Variants in DUSP16 observed in about 807,000 individuals in gnomAD.
DUSP16 encodes dual specificity phosphatase 16, also known as dual specificity protein phosphatase 16.
A neutral mutation model predicts 58.3 loss-of-function variants in DUSP16; 21 were observed. The observed-to-expected ratio is 0.36, with a 90% CI of 0.26 to 0.52. DUSP16 has a LOEUF of 0.52. Ranked by LOEUF, DUSP16 falls within the 20% of genes least tolerant of loss-of-function variation. The probability of loss-of-function intolerance (pLI) is 0.94; values close to 1 mark genes in which losing one functional copy is unlikely to be tolerated. For missense variants in DUSP16, 726 were observed against 819.0 expected (o/e 0.89, Z 1.39); for synonymous variants, 320 against 323.8 (o/e 0.99, Z 0.12).
intron 3 of DUSP16, among the ~76,000 whole-genome samples, chr12:12,517,833 G>A (rs550443606): frequency 2.6e-5 from 4 of 152,188 alleles, no homozygotes; most frequent in African/African-American, 7.2e-5. Flanking sequence ...TGGACTTGCC[G>A]TTAGGCCTAA....
chr12:12,489,579 C>T (rs1314357765), intron 4 of DUSP16, among the ~76,000 whole-genome samples: 2 of 152,138 alleles, frequency 1.3e-5, no homozygotes. Flanking sequence ...AGTAATATCC[C>T]TATCCACTCA....
At chr12:12,493,388 C>A (rs1217453921) in intron 4 of DUSP16, among the ~76,000 whole-genome samples, 1 of 152,176 alleles carries the variant, frequency 6.6e-6, no homozygotes, top group Non-Finnish European at 1.5e-5. Context: ...TCCTAACCGG[C>A]CTTCCTGCTT....
chr12:12,474,648 T>A lies in DUSP16; in HGVS notation c.*2185A>T, dbSNP rs905228598. The A allele has an allele frequency of 5.8e-5, 7 of 120,312 alleles. No homozygotes were observed. Among genetic ancestry groups the A allele is most frequent in the Non-Finnish European group, 1.2e-4 (7 of 56,518 alleles). 7.5% of individuals were successfully genotyped at this position (120,312 alleles called of 1,614,324 possible). A position where few individuals can be genotyped will look rare whatever the true frequency, so the allele number is the denominator to read the frequency against. ...AGCACTAAAGGCTGTAGGATGTGAC[T>A]ACATCACAGTTCCAGAAGGAAGGGG... On this transcript the variant is annotated 3_prime_UTR_variant, in exon 7 of 7. Coordinates refer to ENST00000298573, the MANE Select transcript of DUSP16 (RefSeq NM_030640.3).
At chr12:12,478,316 G>A (rs1477739969) in intron 6 of DUSP16, among the ~76,000 whole-genome samples, 1 of 151,338 alleles carries the variant, frequency 6.6e-6, no homozygotes, top group South Asian at 2.1e-4. Context: ...GAGATGGTAT[G>A]GGGTTTTGTT....
intron 4 of DUSP16, among the ~76,000 whole-genome samples, chr12:12,498,786 AAAAAT>A (rs1350764979): frequency 1.3e-5 from 2 of 152,192 alleles, no homozygotes; most frequent in South Asian, 2.1e-4. Flanking sequence ...CTTGCAGAAT[AAAAAT>A]AAAAGTCTAT....
chr12:12,537,028 A>T (rs1353234843), intron 1 of DUSP16, among the ~76,000 whole-genome samples: 1 of 152,180 alleles, frequency 6.6e-6, no homozygotes, highest in Non-Finnish European at 1.5e-5. Context: ...GGGCAACAAG[A>T]GCAAAACTCC....
intron 4 of DUSP16, chr12:12,491,223 TG>T (rs1364746251): frequency 6.6e-6 from 1 of 151,960 alleles, no homozygotes; most frequent in African/African-American, 2.4e-5. Flanking sequence ...TAATTTTTGT[TG>T]GTGTTTTTAA....
chr12:12,490,896 A>C (rs1943752174), intron 4 of DUSP16, among the ~76,000 whole-genome samples: 2 of 152,180 alleles, frequency 1.3e-5, no homozygotes. Flanking sequence ...TTCACATTTC[A>C]TTGGTGTATG....
intron 3 of DUSP16, among the ~76,000 whole-genome samples, chr12:12,513,940 A>T (rs1025984246): frequency 3.9e-5 from 6 of 152,198 alleles, no homozygotes; most frequent in Admixed American, 3.3e-4. Context: ...CCAAGAAACA[A>T]GTTTATTTTT....
chr12:12,526,746 G>A (rs4763838), intron 1 of DUSP16, among the ~76,000 whole-genome samples: 19,717 of 151,994 alleles, frequency 0.13, 1,361 homozygotes, highest in Middle Eastern at 0.16. Flanking sequence ...CTGGGTTCTA[G>A]GTCAGTCATA....
At chr12:12,550,409 TG>T (rs1283603746) in intron 1 of DUSP16, among the ~76,000 whole-genome samples, 1 of 152,224 alleles carries the variant, frequency 6.6e-6, no homozygotes, top group African/African-American at 2.4e-5. Flanking sequence ...AAACTATTTT[TG>T]ATAATATGAA....
chr12:12,491,657 C>G (rs1260218494), intron 4 of DUSP16: 2 of 152,178 alleles, frequency 1.3e-5, no homozygotes, highest in Non-Finnish European at 1.5e-5. Context: ...TACACACTTT[C>G]TACTGATTAG....
At chr12:12,545,938 TA>T (rs1944635717) in intron 1 of DUSP16, among the ~76,000 whole-genome samples, 1 of 152,204 alleles carries the variant, frequency 6.6e-6, no homozygotes, top group South Asian at 2.1e-4. Context: ...TCTAGAGCCA[TA>T]ATGTACCAAT....
At position 12,484,002 on chromosome 12, in the gene DUSP16, A is replaced by C. The variant is rs1943628790; in HGVS notation, c.691+3026T>G. 2.0e-5 allele frequency among the ~76,000 whole-genome samples: 3 copies of C among 151,528 alleles called. No homozygotes were observed. In the South Asian group the frequency reaches 6.2e-4, roughly 31 times the overall value. ...AAAATAAAAAAATTTAAAAATTAAAAAAAAATTTTACATTTATCTTTAAGA... is the reference window on the plus strand; with the variant it reads ...AAAATAAAAAAATTTAAAAATTAAACAAAAATTTTACATTTATCTTTAAGA... On this transcript the variant is annotated intron_variant, in intron 5 of 6. Coordinates refer to ENST00000298573, the MANE Select transcript of DUSP16 (RefSeq NM_030640.3).
At chr12:12,536,515 C>T (rs147072710) in intron 1 of DUSP16, among the ~76,000 whole-genome samples, 64 of 151,566 alleles carry the variant, frequency 4.2e-4, no homozygotes, top group African/African-American at 1.5e-3. Flanking sequence ...GAGGCCGAGG[C>T]TGATGGATCA....
chr12:12,492,436 CCATACT>C (rs1309822150), intron 4 of DUSP16, among the ~76,000 whole-genome samples: 1 of 152,148 alleles, frequency 6.6e-6, no homozygotes, highest in Non-Finnish European at 1.5e-5. Context: ...GGCGAACTGT[CCATACT>C]CGTAAGGCCA....
At chr12:12,485,786 CTTTTTTTTTTTT>C (rs749939375) in intron 5 of DUSP16, among the ~76,000 whole-genome samples, 2 of 107,696 alleles carry the variant, frequency 1.9e-5, no homozygotes, top group Non-Finnish European at 3.6e-5. Flanking sequence ...GCCAATTCCA[CTTTTTTTTTTTT>C]TTTTTTTTTT....
At chr12:12,533,525 C>T (rs1452656022) in intron 1 of DUSP16, among the ~76,000 whole-genome samples, 5 of 152,188 alleles carry the variant, frequency 3.3e-5, no homozygotes, top group African/African-American at 1.2e-4. Flanking sequence ...CCAGGGGTAG[C>T]TGCAGGCCCC....
intron 4 of DUSP16, among the ~76,000 whole-genome samples, chr12:12,496,791 TC>T (rs1209686450): frequency 6.6e-6 from 1 of 152,158 alleles, no homozygotes; most frequent in Non-Finnish European, 1.5e-5. Context: ...AATAAGCTGC[TC>T]CCATTTCAGC....
Sources: allele counts gnomAD v4.1 joint callset (sites outside exome capture counted in the v4.1 genomes callset), GRCh38; gene constraint gnomAD v4.1.1; transcripts MANE v1.5; gene names NCBI Gene and HGNC (gene_info 2026-07-23, HGNC 2026-07-21).